INF2: variants seen among roughly 807,000 people sequenced by gnomAD.
The protein encoded by INF2 is inverted formin 2.
INF2 carries 43 observed loss-of-function variants against 123.5 expected under a neutral mutation model. The observed-to-expected ratio is 0.35, with a 90% confidence interval of 0.27 to 0.45. The LOEUF (loss-of-function observed/expected upper bound fraction) is 0.45, where lower values mean the gene tolerates loss of function less well. INF2 is among the 20% of genes least tolerant of loss of function. INF2 has a pLI of 1.00. For missense variants in INF2, 1,453 were observed against 1,682.7 expected, an observed-to-expected ratio of 0.86 and a Z score of 2.39; for synonymous variants, 851 against 745.0, an observed-to-expected ratio of 1.14 and a Z score of -2.32.
intron 1 of INF2, among the ~76,000 whole-genome samples, chr14:104,695,565 G>C (rs1043553338): frequency 7.1e-5 from 8 of 112,326 alleles, no homozygotes; most frequent in African/African-American, 2.8e-4. Flanking sequence ...TCCCTTGCCT[G>C]GGCTGCGCTT....
chr14:104,714,838 C>A lies in INF2; in HGVS notation c.3676C>A (p.Pro1226Thr). Residue 1226 changes from proline to threonine, a missense_variant, in exon 21 of 23, where the codon CCC becomes ACC. Pro to Thr is a conservative substitution (Grantham distance 38). Around this residue, in one of 8 missense-constraint regions of INF2, gnomAD observed 344 missense variants for 333.1 expected, o/e 1.03. Transcript: ENST00000392634. ...KGTGKRRKKR[P>T]SRSQEEVPPD... ...GACCGGGAAGCGAAGGAAGAAGCGT[C>A]CCTCCAGGAGCCAGGAAGGTAACTC... is the stretch of plus-strand genomic sequence containing the variant. 1 of 1,587,008 alleles carries A rather than the reference C, an allele frequency of 6.3e-7. No homozygotes were observed. The highest frequency in any genetic ancestry group is 8.5e-7 in the Non-Finnish European group (1 of 1,169,614).
upstream of INF2, among the ~76,000 whole-genome samples, chr14:104,688,237 G>A (rs191654984): frequency 1.5e-3 from 223 of 152,388 alleles, no homozygotes; most frequent in African/African-American, 4.4e-3. Context: ...GTGGCCTGCA[G>A]CTGCTCCTGC....
rs201476055 is a variant in INF2, at chr14:104,709,420, T to G, written c.2052+37T>G. On this transcript the variant is annotated intron_variant, in intron 11 of 22. Transcript: ENST00000392634. Reference sequence around the variant, plus strand: ...ACCCCCACACCCCACCCCCAGTTAGTGCCACCAACCAAGGGAGAGGCTGTC... The same window carrying G: ...ACCCCCACACCCCACCCCCAGTTAGGGCCACCAACCAAGGGAGAGGCTGTC... 3 of 1,530,250 alleles carry G rather than the reference T, an allele frequency of 2.0e-6. No individual in the cohort carries two copies. In the Admixed American group the frequency reaches 5.0e-5, roughly 26 times the overall value. 94.8% of individuals were successfully genotyped at this position (1,530,250 alleles called of 1,614,324 possible). A position where few individuals can be genotyped will look rare whatever the true frequency, so the allele number is the denominator to read the frequency against.
rs571421147 is a variant in INF2 at position 104,711,321 on chromosome 14, C to T, written c.2418+135C>T. Reference sequence around the variant, plus strand: ...CCCTGTCTCAGGGCTCCGTCTAGAGCCAGCAGCCTCAGTCAGAGCCACGCC... The same window carrying T: ...CCCTGTCTCAGGGCTCCGTCTAGAGTCAGCAGCCTCAGTCAGAGCCACGCC... On this transcript the variant is annotated intron_variant, in intron 15 of 22. Coordinates refer to ENST00000392634, the MANE Select transcript of INF2 (RefSeq NM_022489.4). The T allele has an allele frequency of 8.8e-6, 7 of 794,042 alleles. No homozygotes were observed. The African/African-American group carries it at 1.2e-4, about 13-fold the overall frequency. The allele number at this position is 794,042 out of a possible 1,614,324, so 49.2% of individuals were successfully genotyped here.
upstream of INF2, chr14:104,689,593 CG>C: frequency 4.9e-6 from 3 of 610,052 alleles, no homozygotes; most frequent in Non-Finnish European, 6.2e-6. Flanking sequence ...CTCTTCCTCC[CG>C]CCCGCCCCGC....
In INF2 at chr14:104,715,370, C is replaced by T. The variant is rs773283486; in HGVS notation, c.*1+30C>T. 20 of 1,598,170 alleles carry T rather than the reference C, an allele frequency of 1.3e-5. No homozygotes were observed. In the South Asian group the frequency reaches 2.2e-4, roughly 18 times the overall value. ...GTACGCAGCCGGCGCTCCGTGGGGG[C>T]TAACAGCAGCTGCAGGGCAGTGGGG... On this transcript the variant is annotated intron_variant, in intron 22 of 22. Coordinates refer to ENST00000392634, the MANE Select transcript of INF2 (RefSeq NM_022489.4).
chr14:104,712,317 G>A (rs1000650397), intron 16 of INF2, 116 bp from the exon 17 acceptor site: 2 of 1,386,024 alleles, frequency 1.4e-6, no homozygotes, highest in African/African-American at 2.9e-5. Context: ...CAGCCTCAGA[G>A]TACAGCCTGC....
intron 1 of INF2, among the ~76,000 whole-genome samples, chr14:104,683,559 T>C (rs1385710842): frequency 6.6e-6 from 1 of 151,868 alleles, no homozygotes; most frequent in African/African-American, 2.4e-5. Context: ...AGTGGTGTCC[T>C]CATTCCAGTC....
Position 104,684,343 on chromosome 14 carries a change from G to C in INF2, c.-104+2761G>C. 1 of 319,782 alleles carries C rather than the reference G, an allele frequency of 3.1e-6. No homozygotes were observed. Among genetic ancestry groups the C allele is most frequent in the Non-Finnish European group, 6.2e-6 (1 of 161,372 alleles). 19.8% of individuals were successfully genotyped at this position (319,782 alleles called of 1,614,324 possible). A position where few individuals can be genotyped will look rare whatever the true frequency, so the allele number is the denominator to read the frequency against. ...TGAGGTGCCCGAAGGAGGCCCACCA[G>C]CTCTGCCAGCACCCGGCCTCTGCAC... On this transcript the variant is annotated intron_variant, in intron 1 of 2. Transcript: ENST00000674723. The surrounding 1 kb of genome is among the most constrained non-coding windows in gnomAD (Gnocchi z 5.0).
chr14:104,697,132 T>C (rs1277447276), intron 1 of INF2, among the ~76,000 whole-genome samples: 1 of 152,200 alleles, frequency 6.6e-6, no homozygotes, highest in Non-Finnish European at 1.5e-5. Context: ...CAGTGGGGAC[T>C]TCACAGGGGA....
Position 104,710,185 on chromosome 14 carries a change from G to A in INF2, c.2236G>A (p.Glu746Lys), listed in dbSNP as rs569586169. 5.0e-5 allele frequency: 77 copies of A among 1,546,418 alleles called. No homozygotes were observed. Among genetic ancestry groups the A allele is most frequent in the Middle Eastern group, 1.9e-4 (1 of 5,262 alleles). Residue 746 changes from glutamate to lysine, a missense_variant, in exon 13 of 23, where the codon GAA (glutamate) becomes AAA (lysine). This residue lies in a region of INF2 where 192 missense variants were observed against 274.4 expected (regional missense o/e 0.70). Coordinates refer to ENST00000392634, the MANE Select transcript of INF2 (RefSeq NM_022489.4). Reference sequence around the variant, plus strand: ...GGCCCAGCTGGTGCTGGCTGCCTGCGAAAGTGAGTGGGGCCAAGCGGGGCA... The same window carrying A: ...GGCCCAGCTGGTGCTGGCTGCCTGCAAAAGTGAGTGGGGCCAAGCGGGGCA... ...PKAQLVLAACESLLTSRQLPI... is the reference protein window; with the variant it reads ...PKAQLVLAACKSLLTSRQLPI...
At position 104,697,027 on chromosome 14, in the gene INF2, G is replaced by A. The variant is rs73345574; in HGVS notation, c.-9-4330G>A. Among the ~76,000 whole-genome samples the A allele has an allele frequency of 9.0e-3, 1,376 of 152,320 alleles. 16 individuals carry two copies. The highest frequency in any genetic ancestry group is 0.029 in the African/African-American group (1,216 of 41,562). The stretch of plus-strand genomic sequence containing the variant: ...CCAGAGCCCCTTGGTCCCAGGCACA[G>A]TAGGCAGTACCTGCCACCCCAGGGC... On this transcript the variant is annotated intron_variant, in intron 1 of 22. Transcript: ENST00000392634.
intron 1 of INF2, chr14:104,700,707 C>A: frequency 3.0e-6 from 1 of 333,792 alleles, no homozygotes; most frequent in Non-Finnish European, 4.3e-6. Flanking sequence ...CGACTGAATC[C>A]TGGTAAAACC....
At chr14:104,716,983 T>G (rs1208597330) in intron 22 of INF2, among the ~76,000 whole-genome samples, 1 of 152,240 alleles carries the variant, frequency 6.6e-6, no homozygotes, top group African/African-American at 2.4e-5. Flanking sequence ...TGAGCCACCG[T>G]GCCCAGCCCC....
chr14:104,713,751 G>A (rs1595179132), intron 20 of INF2, 145 bp downstream of exon 20: 2 of 896,102 alleles, frequency 2.2e-6, no homozygotes, highest in Non-Finnish European at 3.3e-6. Context: ...GACAGCCGAG[G>A]GGACAGGTGG....
Position 104,684,152 on chromosome 14 carries a change from A to G in INF2, c.-104+2570A>G, listed in dbSNP as rs1208994263. Reference sequence around the variant, plus strand: ...AGCGGCTCTCCCCATCATGCAAGTAACCTGCGTGCCGCCACGGGAAACAGC... The same window carrying G: ...AGCGGCTCTCCCCATCATGCAAGTAGCCTGCGTGCCGCCACGGGAAACAGC... On this transcript the variant is annotated intron_variant, in intron 1 of 2. Coordinates refer to the INF2 transcript ENST00000674723. The surrounding 1 kb of genome is among the most constrained non-coding windows in gnomAD (Gnocchi z 5.0). 2 of 455,726 alleles carry G rather than the reference A, an allele frequency of 4.4e-6. No individual in the cohort carries two copies. The highest frequency in any genetic ancestry group is 2.4e-5 in the Admixed American group (1 of 42,532). 28.2% of individuals were successfully genotyped at this position (455,726 alleles called of 1,614,324 possible).
At chr14:104,689,420 G>A (rs1888816599), upstream of INF2, among the ~76,000 whole-genome samples, 1 of 152,262 alleles carries the variant, frequency 6.6e-6, no homozygotes, top group South Asian at 2.1e-4. Context: ...GACCGCGAGG[G>A]GGCGGCCAGG....
Position 104,703,367 on chromosome 14 carries a change from G to A in INF2, c.580G>A (p.Val194Met), listed in dbSNP as rs368298329. The stretch of plus-strand genomic sequence containing the variant: ...CTCCGGCAGCGACAACGTGCCCTAC[G>A]TGGTCACCCTGCTTAGCGTGATCAA... ...ELSGSDNVPY[V>M]VTLLSVINAV... The change falls in exon 4 of 23, where the codon GTG becomes ATG. Residue 194 changes from valine to methionine, a missense_variant. This residue lies in a region of INF2 where 251 missense variants were observed against 349.4 expected (regional missense o/e 0.72). Transcript: ENST00000392634. 1.6e-5 allele frequency: 26 copies of A among 1,612,884 alleles called. No homozygotes were observed. The highest frequency in any genetic ancestry group is 6.7e-5 in the East Asian group (3 of 44,892).
chr14:104,699,604 T>G lies in INF2; in HGVS notation c.-9-1753T>G, dbSNP rs1448022996. ...GGAAGGTCTTGCGCATCTGGGTGAG[T>G]GGACGGCCACTGGGTGACCAAGAGG... On this transcript the variant is annotated intron_variant, in intron 1 of 22. Coordinates refer to ENST00000392634, the MANE Select transcript of INF2 (RefSeq NM_022489.4). The surrounding 1 kb of genome is among the most constrained non-coding windows in gnomAD (Gnocchi z 4.7). 1.9e-5 allele frequency: 19 copies of G among 984,670 alleles called. No homozygotes were observed. The highest frequency in any genetic ancestry group is 2.3e-5 in the Non-Finnish European group (19 of 829,652). The allele number at this position is 984,670 out of a possible 1,614,324, so 61.0% of individuals were successfully genotyped here.
Sources: gnomAD v4.1 joint callset for allele counts (sites outside exome capture counted in the v4.1 genomes callset) on GRCh38, gnomAD v4.1.1 for gene constraint, gnomAD v4.1.1 regional missense constraint, Gnocchi (gnomAD v3.1) non-coding constraint, MANE v1.5 for transcripts, NCBI Gene and HGNC (gene_info 2026-07-23, HGNC 2026-07-21) for gene names.